The following KHDC4 variants were observed in gnomAD, a reference collection of about 807,000 sequenced individuals.
KHDC4 encodes the protein KH domain containing 4, pre-mRNA splicing factor.
KHDC4 carries 19 observed loss-of-function variants against 74.5 expected under a neutral mutation model. The ratio of observed to expected loss-of-function variants is 0.26; its 90% CI spans 0.18 to 0.37. KHDC4 has a LOEUF of 0.37. Among genes scored for constraint, KHDC4 ranks in the 10% least tolerant of loss-of-function variants. KHDC4 has a pLI of 1.00. For synonymous variants in KHDC4, 253 were observed against 266.1 expected (o/e 0.95, Z 0.48); for missense variants, 632 against 754.1 (o/e 0.84, Z 1.90).
At position 155,915,620 on chromosome 1, in the gene KHDC4, G is replaced by C. The variant is rs531075774; in HGVS notation, c.1645+253C>G. Reference sequence around the variant, plus strand: ...CCTCCCAGGTTGAAGCGATTCTCCTGCCTCAACCCCCTGAGTAGCTGGAAT... The same window carrying C: ...CCTCCCAGGTTGAAGCGATTCTCCTCCCTCAACCCCCTGAGTAGCTGGAAT... On this transcript the variant is annotated intron_variant, in intron 13 of 13. Coordinates refer to ENST00000368321, the MANE Select transcript of KHDC4 (RefSeq NM_014949.4). The C allele has an allele frequency of 1.4e-3, 574 of 424,134 alleles. 1 individual carries two copies. Among genetic ancestry groups the C allele is most frequent in the Non-Finnish European group, 2.0e-3 (479 of 242,282 alleles). The allele number at this position is 424,134 out of a possible 1,614,324, so 26.3% of individuals were successfully genotyped here. A position where few individuals can be genotyped will look rare whatever the true frequency, so the allele number is the denominator to read the frequency against.
At position 155,916,638 on chromosome 1, in the gene KHDC4, T is replaced by C; in HGVS notation, c.1540A>G (p.Arg514Gly). ...SKPASSSGKE[R>G]ERDRQLMPPP... ...ATTCCAACTTACCTGTCCCTCTCTC[T>C]CTCTTTGCCTGAGGAACTTGCTGGC... Residue 514 changes from arginine (R) to glycine (G), a missense_variant, in exon 12 of 14, where the codon AGA becomes GGA. Around this residue, in one of 4 missense-constraint regions of KHDC4, gnomAD observed 254 missense variants for 267.4 expected, o/e 0.95. Coordinates refer to ENST00000368321, the MANE Select transcript of KHDC4 (RefSeq NM_014949.4). The C allele has an allele frequency of 2.5e-6, 4 of 1,611,418 alleles. No homozygotes were observed. In the South Asian group the frequency reaches 4.4e-5, roughly 18 times the overall value.
In KHDC4 at chr1:155,914,178, T is replaced by C. The variant is rs199705309; in HGVS notation, c.1788A>G (p.Gln596=). The part of the protein sequence containing the change: ...SFPQGWSLGY[Q]YPSSQPRAKQ... The stretch of plus-strand genomic sequence containing the variant: ...TAGCTCGTGGTTGTGATGAAGGATA[T>C]TGGTATCCCAAACTCCAGCCCTGTG... The change falls in exon 14 of 14, where the codon CAA becomes CAG. Residue 596 remains glutamine (Q), a synonymous_variant. Coordinates refer to ENST00000368321, the MANE Select transcript of KHDC4 (RefSeq NM_014949.4). 6.2e-5 allele frequency: 100 copies of C among 1,614,068 alleles called. No homozygotes were observed. Among genetic ancestry groups the C allele is most frequent in the Non-Finnish European group, 7.6e-5 (90 of 1,180,036 alleles).
chr1:155,927,823 A>C lies in KHDC4; in HGVS notation c.465-667T>G, dbSNP rs1260172854. ...GTCTCCAAAAAAAAAAAAAAAAAAA[A>C]AAAAAAAACCACACACACACACACA... On this transcript the variant is annotated intron_variant, in intron 4 of 13. Transcript: ENST00000368321. Among the ~76,000 whole-genome samples the C allele has an allele frequency of 1.5e-3, 148 of 95,998 alleles. 2 individuals carry two copies. The highest frequency in any genetic ancestry group is 8.4e-3 in the Admixed American group (68 of 8,094). 63.0% of individuals were successfully genotyped at this position (95,998 alleles called of 152,430 possible). A position where few individuals can be genotyped will look rare whatever the true frequency, so the allele number is the denominator to read the frequency against.
rs970411757 is a variant in KHDC4 at position 155,913,834 on chromosome 1, C to T, written c.*287G>A. 8.6e-5 allele frequency: 33 copies of T among 385,814 alleles called. No individual in the cohort carries two copies. Among genetic ancestry groups the T allele is most frequent in the South Asian group, 1.9e-4 (6 of 31,582 alleles). 23.9% of individuals were successfully genotyped at this position (385,814 alleles called of 1,614,324 possible). On this transcript the variant is annotated 3_prime_UTR_variant, in exon 14 of 14. Transcript: ENST00000368321. The stretch of plus-strand genomic sequence containing the variant: ...TGACCAGGTCAAATGTGTATGGGAA[C>T]GACCCTGTTAGGATGCTTTGTTGGA...
chr1:155,933,798 C>A lies in KHDC4; in HGVS notation c.90G>T (p.Pro30=), dbSNP rs1674194519. ...TGACCTCCCCACCTGGGGCCGCTGG[C>A]GGGAGGAAGAGAAGTGGGGCTGGAG... is the stretch of plus-strand genomic sequence containing the variant. ...QPAPAPLLFL[P]PAAPGGEVTS... The change falls in exon 2 of 14, where the codon CCG becomes CCT. Residue 30 remains proline (P), a synonymous_variant. Transcript: ENST00000368321. The A allele has an allele frequency of 1.9e-6, 3 of 1,592,482 alleles. No individual in the cohort carries two copies. Among genetic ancestry groups the A allele is most frequent in the East Asian group, 2.3e-5 (1 of 44,280 alleles).
intron 8 of KHDC4, among the ~76,000 whole-genome samples, chr1:155,922,291 G>A (rs180852719): frequency 0.015 from 2,249 of 151,926 alleles, 223 homozygotes; most frequent in Admixed American, 0.13. Flanking sequence ...GACTACAGGC[G>A]CGTGCCACCG....
At chr1:155,929,916 T>C (rs745670566) in intron 2 of KHDC4, 76 bp from the exon 3 acceptor site, 124 of 1,049,852 alleles carry the variant, frequency 1.2e-4, no homozygotes, top group Admixed American at 2.6e-4. Flanking sequence ...TTTATTTACT[T>C]ATTTATTTTT....
chr1:155,929,918 T>C, intron 2 of KHDC4, 78 bp from the exon 3 acceptor site: 2 of 1,041,352 alleles, frequency 1.9e-6, no homozygotes, highest in African/African-American at 3.4e-5. Flanking sequence ...TATTTACTTA[T>C]TTATTTTTTC....
Position 155,933,751 on chromosome 1 carries a change from C to T in KHDC4, c.137G>A (p.Gly46Glu), listed in dbSNP as rs1343592157. Residue 46 changes from glycine (G) to glutamate (E), a missense_variant, in exon 2 of 14, where the codon GGG becomes GAG. Transcript: ENST00000368321. ...GEVTSSGGSP[G>E]GTTAAPSGAL... ...TCCTGAAGGAGCAGCTGTGGTGCCC[C>T]CAGGACTTCCCCCACTGCTGGTGAC... 6.2e-7 allele frequency: 1 copy of T among 1,604,812 alleles called. No individual in the cohort carries two copies.
chr1:155,926,616 C>T (rs1207127466), intron 6 of KHDC4, 60 bp downstream of exon 6: 2 of 1,552,002 alleles, frequency 1.3e-6, no homozygotes, highest in Non-Finnish European at 1.8e-6. Context: ...TGTGCCTGGC[C>T]AGCACATATC....
At chr1:155,923,397 G>A (rs1226151155) in intron 8 of KHDC4, among the ~76,000 whole-genome samples, 1 of 152,156 alleles carries the variant, frequency 6.6e-6, no homozygotes, top group African/African-American at 2.4e-5. Flanking sequence ...GGAAAGGCAT[G>A]GGATGATTTC....
chr1:155,922,044 A>G (rs1453677617), intron 8 of KHDC4, 126 bp from the exon 9 acceptor site: 2 of 615,338 alleles, frequency 3.3e-6, no homozygotes, highest in Non-Finnish European at 5.6e-6. Flanking sequence ...GTTCCAATCA[A>G]ATTTAAACTT....
At chr1:155,915,758 C>T (rs902053764) in intron 13 of KHDC4, 115 bp downstream of exon 13, 15 of 628,690 alleles carry the variant, frequency 2.4e-5, no homozygotes, top group Admixed American at 5.9e-5. Flanking sequence ...CTGCCCACCT[C>T]GGCCTCCCAA....
At chr1:155,927,201 CA>C in intron 4 of KHDC4, 45 bp from the exon 5 acceptor site, 1 of 1,499,374 alleles carries the variant, frequency 6.7e-7, no homozygotes, top group Middle Eastern at 1.7e-4. Context: ...TGGTCAAAAC[CA>C]AAAAAGGAGT....
At chr1:155,928,912 A>G (rs920737419) in intron 4 of KHDC4, among the ~76,000 whole-genome samples, 3 of 150,104 alleles carry the variant, frequency 2.0e-5, no homozygotes, top group African/African-American at 4.9e-5. Flanking sequence ...AGATCACGCC[A>G]CTGCACTATA....
chr1:155,930,303 G>A (rs1160212455), intron 2 of KHDC4, among the ~76,000 whole-genome samples: 2 of 152,188 alleles, frequency 1.3e-5, no homozygotes, highest in Non-Finnish European at 2.9e-5. Flanking sequence ...TGTAAACACA[G>A]TTGGTCATTC....
At position 155,933,788 on chromosome 1, in the gene KHDC4, G is replaced by C. The variant is rs1456256823; in HGVS notation, c.100C>G (p.Pro34Ala). The C allele has an allele frequency of 1.3e-6, 2 of 1,596,322 alleles. No individual in the cohort carries two copies. The highest frequency in any genetic ancestry group is 3.5e-5 in the Admixed American group (2 of 57,276). ...APLLFLPPAA[P>A]GGEVTSSGGS... ...CCACTGCTGGTGACCTCCCCACCTG[G>C]GGCCGCTGGCGGGAGGAAGAGAAGT... The change falls in exon 2 of 14, where the codon CCA (proline) becomes GCA (alanine). Residue 34 changes from proline (P) to alanine (A), a missense_variant. By Grantham distance (27) the Pro-to-Ala change is conservative (BLOSUM62 -1). Transcript: ENST00000368321.
intron 10 of KHDC4, chr1:155,919,852 A>G: frequency 4.4e-6 from 1 of 228,688 alleles, no homozygotes; most frequent in Non-Finnish European, 9.1e-6. Flanking sequence ...TAAATAAAAT[A>G]AAATAAATTT....
At chr1:155,920,090 C>G (rs565039848) in intron 10 of KHDC4, 1 of 404,646 alleles carries the variant, frequency 2.5e-6, no homozygotes, top group South Asian at 1.8e-5. Flanking sequence ...TATATATAAT[C>G]CATCCAGATT....
Sources: gnomAD v4.1 joint callset for allele counts (sites outside exome capture counted in the v4.1 genomes callset) on GRCh38, gnomAD v4.1.1 for gene constraint, gnomAD v4.1.1 regional missense constraint, MANE v1.5 for transcripts, NCBI Gene and HGNC (gene_info 2026-07-23, HGNC 2026-07-21) for gene names.